ADAMTS3: variants seen among roughly 807,000 people sequenced by gnomAD.
ADAMTS3 encodes ADAM metallopeptidase with thrombospondin type 1 motif 3, also known as A disintegrin and metalloproteinase with thrombospondin motifs 3.
Under a neutral mutation model 129.0 loss-of-function variants are expected in ADAMTS3, and 73 were observed. The observed-to-expected ratio is 0.57, with a 90% confidence interval of 0.47 to 0.69. The LOEUF (loss-of-function observed/expected upper bound fraction) is 0.69, where lower values mean the gene tolerates loss of function less well. ADAMTS3 is among the 30% of genes least tolerant of loss of function. The probability of loss-of-function intolerance (pLI) is 0.00; values close to 1 mark genes in which losing one functional copy is unlikely to be tolerated. For synonymous variants in ADAMTS3, 477 were observed against 510.8 expected (o/e 0.93, Z 0.89); for missense variants, 1,457 against 1,514.5 (o/e 0.96, Z 0.63).
At chr4:72,383,866 G>T (rs989512866) in intron 4 of ADAMTS3, among the ~76,000 whole-genome samples, 2 of 152,100 alleles carry the variant, frequency 1.3e-5, no homozygotes, top group Non-Finnish European at 2.9e-5. Context: ...AATCTGAGAT[G>T]AATCAGATGT....
At chr4:72,425,969 A>G (rs1395587000) in intron 3 of ADAMTS3, among the ~76,000 whole-genome samples, 1 of 151,952 alleles carries the variant, frequency 6.6e-6, no homozygotes, top group African/African-American at 2.4e-5. Context: ...AAGTGTTCCT[A>G]TTTCTCCACA....
intron 4 of ADAMTS3, among the ~76,000 whole-genome samples, chr4:72,350,914 C>G (rs1372798721): frequency 6.6e-6 from 1 of 151,930 alleles, no homozygotes; most frequent in Non-Finnish European, 1.5e-5. Context: ...AGAGTTGTAT[C>G]TCTGTATGGC....
chr4:72,403,354 A>T (rs969899184), intron 4 of ADAMTS3, among the ~76,000 whole-genome samples: 3 of 152,096 alleles, frequency 2.0e-5, no homozygotes, highest in Admixed American at 1.3e-4. Context: ...CAGTATCAAA[A>T]ATAAAATATA....
intron 3 of ADAMTS3, among the ~76,000 whole-genome samples, chr4:72,476,936 C>T (rs553337023): frequency 1.1e-3 from 160 of 152,058 alleles, no homozygotes; most frequent in Non-Finnish European, 2.0e-3. Context: ...GCAGAAAATA[C>T]GTATCAAATG....
rs750382794 is a variant in ADAMTS3 at position 72,290,857 on chromosome 4, C to T, written c.2929G>A (p.Glu977Lys). The stretch of plus-strand genomic sequence containing the variant: ...ATGCACGGAATTCACACACCTACCT[C>T]ACTCCAGGGTCCTGTTTTCCACTGT... The part of the protein sequence containing the change: ...PAQWKTGPWS[E>K]CSVTCGEGTE... Residue 977 changes from glutamate (E) to lysine (K), a missense_variant and splice_region_variant, in exon 20 of 22, where the codon GAG becomes AAG. Coordinates refer to ENST00000286657, the MANE Select transcript of ADAMTS3 (RefSeq NM_014243.3). The T allele has an allele frequency of 1.5e-5, 24 of 1,613,724 alleles. No homozygotes were observed. The South Asian group carries it at 2.4e-4, about 16-fold the overall frequency.
chr4:72,541,129 C>CAGGGGATGGAGCTGCCCA (rs1721313231), intron 3 of ADAMTS3, among the ~76,000 whole-genome samples: 2 of 152,180 alleles, frequency 1.3e-5, no homozygotes, highest in Admixed American at 1.3e-4. Context: ...TGCAGAGCCA[C>CAGGGGATGGAGCTGCCCA]AGGGGATGGA....
chr4:72,347,280 CTTT>C (rs78118915), intron 4 of ADAMTS3, among the ~76,000 whole-genome samples: 3 of 140,124 alleles, frequency 2.1e-5, no homozygotes, highest in Non-Finnish European at 3.1e-5. Flanking sequence ...TATTTTACTG[CTTT>C]TTTTTTTTTT....
chr4:72,304,104 C>A, intron 16 of ADAMTS3, 24 bp from the exon 17 acceptor site: 1 of 1,606,190 alleles, frequency 6.2e-7, no homozygotes, highest in East Asian at 2.2e-5. Flanking sequence ...AATGAGTAAC[C>A]AGCATACATT....
chr4:72,528,632 A>C (rs777702370), intron 3 of ADAMTS3, among the ~76,000 whole-genome samples: 3 of 152,064 alleles, frequency 2.0e-5, no homozygotes, highest in Non-Finnish European at 2.9e-5. Context: ...AAAGCATAAA[A>C]ACACTACTCA....
intron 4 of ADAMTS3, among the ~76,000 whole-genome samples, chr4:72,364,294 A>C (rs1720811975): frequency 6.6e-6 from 1 of 152,210 alleles, no homozygotes; most frequent in South Asian, 2.1e-4. Flanking sequence ...TACTTTTCCA[A>C]AGATTTTAAA....
chr4:72,301,774 C>T (rs926190412), intron 17 of ADAMTS3, among the ~76,000 whole-genome samples: 5 of 151,688 alleles, frequency 3.3e-5, no homozygotes, highest in Non-Finnish European at 5.9e-5. Flanking sequence ...AGAAGAGAAA[C>T]AAGCCAGATC....
intron 2 of ADAMTS3, among the ~76,000 whole-genome samples, chr4:72,560,846 T>C (rs1342522630): frequency 6.6e-6 from 1 of 152,202 alleles, no homozygotes; most frequent in Non-Finnish European, 1.5e-5. Context: ...AACTTAAAAT[T>C]AAAATTAAAT....
At chr4:72,434,161 A>G (rs925064233) in intron 3 of ADAMTS3, among the ~76,000 whole-genome samples, 1 of 151,760 alleles carries the variant, frequency 6.6e-6, no homozygotes, top group Non-Finnish European at 1.5e-5. Flanking sequence ...TGCAAACAAA[A>G]TGGAGCTCCC....
At chr4:72,490,653 C>T (rs1719715563) in intron 3 of ADAMTS3, among the ~76,000 whole-genome samples, 1 of 151,826 alleles carries the variant, frequency 6.6e-6, no homozygotes, top group South Asian at 2.1e-4. Context: ...GACCAGTTGA[C>T]TGAGTATGCG....
chr4:72,338,395 A>G (rs1720043845), intron 5 of ADAMTS3, among the ~76,000 whole-genome samples: 1 of 152,176 alleles, frequency 6.6e-6, no homozygotes, highest in South Asian at 2.1e-4. Context: ...TAGTGCCAAG[A>G]ACAAATAAAA....
Position 72,302,553 on chromosome 4 carries a change from T to C in ADAMTS3, c.2424+1364A>G, listed in dbSNP as rs540583469. ...GTCCTAGGAGTGAAGAAGAGAAAGA[T>C]GGGGTGGGGGTGAGGGTTTGGGAAA... On this transcript the variant is annotated intron_variant, in intron 17 of 21. Coordinates refer to ENST00000286657, the MANE Select transcript of ADAMTS3 (RefSeq NM_014243.3). Among the ~76,000 whole-genome samples the C allele has an allele frequency of 5.9e-5, 9 of 152,014 alleles. 1 individual carries two copies. Among genetic ancestry groups the C allele is most frequent in the African/African-American group, 9.6e-5 (4 of 41,482 alleles).
chr4:72,444,597 C>G (rs890616999), intron 3 of ADAMTS3, among the ~76,000 whole-genome samples: 1 of 151,694 alleles, frequency 6.6e-6, no homozygotes, highest in Non-Finnish European at 1.5e-5. Flanking sequence ...GCTATAAACA[C>G]ATTTTAGGCA....
At chr4:72,559,203 G>A (rs1370905024) in intron 2 of ADAMTS3, among the ~76,000 whole-genome samples, 3 of 151,754 alleles carry the variant, frequency 2.0e-5, no homozygotes, top group Non-Finnish European at 4.4e-5. Flanking sequence ...TCCTTAACCT[G>A]TGTGAACTAG....
chr4:72,498,657 GCA>G (rs1351624902), intron 3 of ADAMTS3, among the ~76,000 whole-genome samples: 1 of 150,098 alleles, frequency 6.7e-6, no homozygotes, highest in Non-Finnish European at 1.5e-5. Flanking sequence ...TTTCTCACAC[GCA>G]CACACACACG....
Sources: allele counts gnomAD v4.1 joint callset (sites outside exome capture counted in the v4.1 genomes callset), GRCh38; gene constraint gnomAD v4.1.1; transcripts MANE v1.5; gene names NCBI Gene and HGNC (gene_info 2026-07-23, HGNC 2026-07-21).